Variants in EYS observed in about 807,000 individuals in gnomAD.
EYS encodes the protein EGF-like photoreceptor maintenance factor.
A neutral mutation model predicts 282.1 loss-of-function variants in EYS; 250 were observed. The observed-to-expected ratio is 0.89, with a 90% CI of 0.80 to 0.98. The LOEUF is 0.98. Ranked by LOEUF, EYS falls within the 50% of genes least tolerant of loss-of-function variation. The pLI is 0.00. For synonymous variants in EYS, 1,355 were observed against 1,282.9 expected, an observed-to-expected ratio of 1.06 and a Z score of -1.20; for missense variants, 4,016 against 3,709.0, an observed-to-expected ratio of 1.08 and a Z score of -2.15.
chr6:64,210,974 C>T (rs989033011), intron 31 of EYS, among the ~76,000 whole-genome samples: 2 of 152,162 alleles, frequency 1.3e-5, no homozygotes, highest in African/African-American at 4.8e-5. Context: ...GGACTCTGAG[C>T]CTTGCACCAA....
chr6:64,682,969 A>G (rs1308004238), intron 22 of EYS, among the ~76,000 whole-genome samples: 2 of 152,118 alleles, frequency 1.3e-5, no homozygotes, highest in Admixed American at 1.3e-4. Flanking sequence ...CCTAAGAAAA[A>G]TCTTTACCCA....
At chr6:64,326,193 C>T (rs1018677166) in intron 29 of EYS, among the ~76,000 whole-genome samples, 1 of 151,802 alleles carries the variant, frequency 6.6e-6, no homozygotes, top group Non-Finnish European at 1.5e-5. Context: ...AAGTGTGACC[C>T]CCTTCCCCCA....
At chr6:64,683,922 C>G (rs539295136) in intron 22 of EYS, among the ~76,000 whole-genome samples, 1 of 152,158 alleles carries the variant, frequency 6.6e-6, no homozygotes, top group Admixed American at 6.5e-5. Flanking sequence ...CTGCCCACCC[C>G]ATTTCACAGT....
intron 5 of EYS, among the ~76,000 whole-genome samples, chr6:65,443,460 G>A (rs1458149658): frequency 4.9e-5 from 7 of 143,434 alleles, no homozygotes; most frequent in Admixed American, 2.2e-4. Flanking sequence ...GTACATATAC[G>A]CCATACACAT....
At position 64,667,870 on chromosome 6, in the gene EYS, A is replaced by G. The variant is rs996368582; in HGVS notation, c.3444-41625T>C. ...GTGAAAGGACTCCATGTATTCAGCT[A>G]AAGACTTTGAGCCAGTATTTGCAGG... On this transcript the variant is annotated intron_variant, in intron 22 of 42. Coordinates refer to ENST00000503581, the MANE Select transcript of EYS (RefSeq NM_001142800.2). Among the ~76,000 whole-genome samples the G allele has an allele frequency of 1.3e-4, 20 of 152,214 alleles. 1 individual carries two copies. The highest frequency in any genetic ancestry group is 6.5e-4 in the Admixed American group (10 of 15,272).
intron 26 of EYS, among the ~76,000 whole-genome samples, chr6:64,448,318 A>C (rs765610083): frequency 1.6e-4 from 25 of 152,218 alleles, no homozygotes; most frequent in Non-Finnish European, 3.1e-4. Flanking sequence ...GAGGGGCGCC[A>C]GCCATTGCTT....
At chr6:64,259,762 C>T (rs1279643933) in intron 30 of EYS, among the ~76,000 whole-genome samples, 3 of 150,020 alleles carry the variant, frequency 2.0e-5, no homozygotes, top group African/African-American at 4.9e-5. Context: ...TTAAGGTTTT[C>T]TTGTATATCT....
intron 13 of EYS, among the ~76,000 whole-genome samples, chr6:65,056,454 T>C (rs549815125): frequency 7.9e-5 from 12 of 152,102 alleles, no homozygotes; most frequent in African/African-American, 2.9e-4. Flanking sequence ...TACCCTGATA[T>C]GCTGGCATGC....
At chr6:63,721,818 A>C in intron 42 of EYS, 21 bp from the exon 43 acceptor site, 3 of 1,526,284 alleles carry the variant, frequency 2.0e-6, no homozygotes, top group Non-Finnish European at 2.6e-6. Flanking sequence ...GCAAACAGTA[A>C]GTTTGATTAG....
intron 36 of EYS, chr6:63,821,526 T>C (rs1771325746): frequency 6.6e-6 from 1 of 152,182 alleles, no homozygotes; most frequent in African/African-American, 2.4e-5. Flanking sequence ...GCCTGGAAAG[T>C]CTAACAGGTG....
chr6:64,856,491 G>A (rs540779882), intron 19 of EYS, among the ~76,000 whole-genome samples: 15 of 152,148 alleles, frequency 9.9e-5, no homozygotes, highest in South Asian at 2.1e-4. Context: ...AGAAGATGGC[G>A]TTTTGTCATG....
rs2127276288 is a variant in EYS at position 65,500,092 on chromosome 6, A to C, written c.-332-4099T>G. 1.3e-5 allele frequency among the ~76,000 whole-genome samples: 2 copies of C among 152,192 alleles called. 1 individual carries two copies. Among genetic ancestry groups the C allele is most frequent in the African/African-American group, 4.8e-5 (2 of 41,568 alleles). ...GCCCAAGCTCACACAATCAATAAGC[A>C]GTGGTGCATGTATTGACCTGACTCC... On this transcript the variant is annotated intron_variant, in intron 2 of 42. Transcript: ENST00000503581.
In EYS at chr6:64,598,439, C is replaced by T. The variant is rs377000006; in HGVS notation, c.3685-5130G>A. Among the ~76,000 whole-genome samples, 156 of 152,250 alleles carry T rather than the reference C, an allele frequency of 1.0e-3. 2 individuals carry two copies. Among genetic ancestry groups the T allele is most frequent in the African/African-American group, 6.7e-4 (28 of 41,560 alleles). On this transcript the variant is annotated intron_variant, in intron 24 of 42. Coordinates refer to ENST00000503581, the MANE Select transcript of EYS (RefSeq NM_001142800.2). ...TTGCGCCACTGCACTCCAGGCTGGG[C>T]GACAGTGCGAGACTCCGTCTCAAAA...
At chr6:65,493,763 A>T (rs1388382712) in intron 4 of EYS, among the ~76,000 whole-genome samples, 4 of 151,986 alleles carry the variant, frequency 2.6e-5, no homozygotes, top group Non-Finnish European at 1.5e-5. Flanking sequence ...CCTTTTATTG[A>T]GCTTATTACA....
At chr6:65,085,845 C>A (rs1774351650) in intron 12 of EYS, among the ~76,000 whole-genome samples, 1 of 152,002 alleles carries the variant, frequency 6.6e-6, no homozygotes, top group Admixed American at 6.6e-5. Context: ...TTTGCTCTTG[C>A]TTCTTTCTCC....
intron 30 of EYS, among the ~76,000 whole-genome samples, chr6:64,290,032 T>C (rs1236521259): frequency 6.6e-6 from 1 of 152,028 alleles, no homozygotes; most frequent in Non-Finnish European, 1.5e-5. Context: ...GCAGTGTCTG[T>C]TGTATAGCTG....
At chr6:63,733,725 T>C (rs1768838395) in intron 41 of EYS, among the ~76,000 whole-genome samples, 1 of 152,140 alleles carries the variant, frequency 6.6e-6, no homozygotes, top group Non-Finnish European at 1.5e-5. Flanking sequence ...ACCTCAGTTC[T>C]CTCACGGACC....
intron 2 of EYS, among the ~76,000 whole-genome samples, chr6:65,616,230 T>C (rs1167343426): frequency 2.0e-5 from 3 of 152,226 alleles, no homozygotes; most frequent in African/African-American, 4.8e-5. Flanking sequence ...TTAATAGTCA[T>C]ATAAAATGTT....
intron 2 of EYS, among the ~76,000 whole-genome samples, chr6:65,580,188 A>G (rs1020165193): frequency 2.0e-5 from 3 of 152,188 alleles, no homozygotes; most frequent in African/African-American, 7.2e-5. Flanking sequence ...ATTCAAAATC[A>G]ACAAGTATAT....
Sources: allele counts gnomAD v4.1 joint callset (sites outside exome capture counted in the v4.1 genomes callset), GRCh38; gene constraint gnomAD v4.1.1; transcripts MANE v1.5; gene names NCBI Gene and HGNC (gene_info 2026-07-23, HGNC 2026-07-21).